BCL9: variants seen among roughly 807,000 people sequenced by gnomAD.
The protein encoded by BCL9 is B-cell CLL/lymphoma 9 protein.
A neutral mutation model predicts 88.5 loss-of-function variants in BCL9; 25 were observed. The observed-to-expected ratio is 0.28, with a 90% CI of 0.21 to 0.39. The LOEUF (loss-of-function observed/expected upper bound fraction) is 0.39. Ranked by LOEUF, BCL9 falls within the 10% of genes least tolerant of loss-of-function variation. The pLI, the probability that BCL9 is intolerant of heterozygous loss-of-function variation, is 1.00. For missense variants in BCL9, 1,817 were observed against 1,877.8 expected, an observed-to-expected ratio of 0.97 and a Z score of 0.60; for synonymous variants, 711 against 673.3, an observed-to-expected ratio of 1.06 and a Z score of -0.87.
chr1:147,544,075 C>T (rs782755874), intron 1 of BCL9, among the ~76,000 whole-genome samples: 2 of 152,182 alleles, frequency 1.3e-5, no homozygotes, highest in African/African-American at 2.4e-5. Context: ...CAGGCAAATA[C>T]TGGGCACTGA....
chr1:147,605,607 A>G (rs1553201884), intron 2 of BCL9, among the ~76,000 whole-genome samples: 1 of 152,212 alleles, frequency 6.6e-6, no homozygotes, highest in East Asian at 1.9e-4. Flanking sequence ...GAGTACTAAA[A>G]TGTACATTAA....
At chr1:147,609,154 A>G (rs1657878229) in intron 3 of BCL9, among the ~76,000 whole-genome samples, 2 of 152,160 alleles carry the variant, frequency 1.3e-5, no homozygotes, top group Non-Finnish European at 2.9e-5. Flanking sequence ...TTGGGGGAAA[A>G]AAATCTCTCT....
At chr1:147,552,155 A>T (rs1654931502) in intron 1 of BCL9, among the ~76,000 whole-genome samples, 1 of 152,224 alleles carries the variant, frequency 6.6e-6, no homozygotes, top group Non-Finnish European at 1.5e-5. Context: ...TGAAGGGAAT[A>T]ATGGTGGAAG....
chr1:147,620,816 G>C lies in BCL9; in HGVS notation c.2661G>C (p.Gln887His). Reference sequence around the variant, plus strand: ...CCTCGGGGAACCTCAAGTCCCCCCAGACTCCATCGCAGCTGGCAGGCATGC... The same window carrying C: ...CCTCGGGGAACCTCAAGTCCCCCCACACTCCATCGCAGCTGGCAGGCATGC... ...GSPSGNLKSP[Q>H]TPSQLAGMLA... The change falls in exon 8 of 10, where the codon CAG (glutamine) becomes CAC (histidine). Residue 887 changes from glutamine (Q) to histidine (H), a missense_variant. Gln to His is a conservative substitution (Grantham distance 24). This residue lies in a region of BCL9 where 1,228 missense variants were observed against 1,191.6 expected (regional missense o/e 1.03). Coordinates refer to ENST00000234739, the MANE Select transcript of BCL9 (RefSeq NM_004326.4). 7 of 1,614,188 alleles carry C rather than the reference G, an allele frequency of 4.3e-6. No homozygotes were observed. Among genetic ancestry groups the C allele is most frequent in the Non-Finnish European group, 5.9e-6 (7 of 1,180,038 alleles).
chr1:147,555,670 A>T (rs1268577039), intron 1 of BCL9, among the ~76,000 whole-genome samples: 1 of 152,200 alleles, frequency 6.6e-6, no homozygotes, highest in Non-Finnish European at 1.5e-5. Context: ...CTCGTTTCTT[A>T]CATAAGTCAC....
chr1:147,609,232 T>C (rs1258152481), intron 3 of BCL9, among the ~76,000 whole-genome samples: 3 of 152,166 alleles, frequency 2.0e-5, no homozygotes, highest in African/African-American at 7.2e-5. Context: ...AACTCTAACC[T>C]CCTGAAGAGC....
rs782503474 is a variant in BCL9 at position 147,620,606 on chromosome 1, G to A, written c.2451G>A (p.Met817Ile). 15 of 1,614,160 alleles carry A rather than the reference G, an allele frequency of 9.3e-6. No individual in the cohort carries two copies. In the Admixed American group the frequency reaches 2.2e-4, roughly 23 times the overall value. ...DQRTNSRLSH[M>I]PPLPLNPSSN... ...GGACTAACAGCCGGCTCAGTCATATGCCACCACTACCTCTCAACCCTTCCA... is the reference window on the plus strand; with the variant it reads ...GGACTAACAGCCGGCTCAGTCATATACCACCACTACCTCTCAACCCTTCCA... The change falls in exon 8 of 10, where the codon ATG becomes ATA. Residue 817 changes from methionine (M) to isoleucine (I), a missense_variant. Coordinates refer to ENST00000234739, the MANE Select transcript of BCL9 (RefSeq NM_004326.4).
Position 147,624,483 on chromosome 1 carries a change from G to C in BCL9, c.3805G>C (p.Gly1269Arg), listed in dbSNP as rs1553206125. Residue 1269 changes from glycine (G) to arginine (R), a missense_variant, in exon 10 of 10, where the codon GGG becomes CGG. Transcript: ENST00000234739. The surrounding 1 kb of genome is among the most constrained non-coding windows in gnomAD (Gnocchi z 4.4). Reference protein sequence around the residue: ...GRKQPQGPGPGFSHMQGMMGE... With the variant: ...GRKQPQGPGPRFSHMQGMMGE... ...TAAACAGCCCCAGGGTCCTGGACCT[G>C]GGTTTTCACACATGCAGGGGATGAT... is the stretch of plus-strand genomic sequence containing the variant. 1 of 1,614,240 alleles carries C rather than the reference G, an allele frequency of 6.2e-7. No individual in the cohort carries two copies. Among genetic ancestry groups the C allele is most frequent in the Admixed American group, 1.7e-5 (1 of 60,034 alleles).
chr1:147,581,700 T>C (rs587733314), intron 1 of BCL9, among the ~76,000 whole-genome samples: 89 of 152,312 alleles, frequency 5.8e-4, no homozygotes, highest in Non-Finnish European at 1.1e-3. Context: ...CAGTTGTAGA[T>C]TCCAGGTCTC....
chr1:147,616,033 T>C (rs782483696), intron 7 of BCL9, 131 bp downstream of exon 7: 39 of 860,372 alleles, frequency 4.5e-5, no homozygotes, highest in Non-Finnish European at 6.8e-5. Context: ...TTTAACCTAA[T>C]TCTGGCATTG....
intron 9 of BCL9, among the ~76,000 whole-genome samples, 164 bp from the exon 10 acceptor site, chr1:147,623,678 C>G (rs1658766871): frequency 6.6e-6 from 1 of 152,168 alleles, no homozygotes; most frequent in Non-Finnish European, 1.5e-5. Context: ...TGTATGTCCC[C>G]AGATGTATTA....
intron 1 of BCL9, among the ~76,000 whole-genome samples, chr1:147,575,472 T>G (rs957603356): frequency 2.0e-5 from 3 of 152,186 alleles, no homozygotes; most frequent in Non-Finnish European, 4.4e-5. Flanking sequence ...GCCAAATGAA[T>G]TGTCAGAAGT....
At chr1:147,565,922 C>G (rs1480603133) in intron 1 of BCL9, among the ~76,000 whole-genome samples, 1 of 152,126 alleles carries the variant, frequency 6.6e-6, no homozygotes, top group Non-Finnish European at 1.5e-5. Flanking sequence ...TACCAGAGGC[C>G]AGCGCTTTTC....
chr1:147,574,248 T>TG (rs1656014693), intron 1 of BCL9, among the ~76,000 whole-genome samples: 1 of 152,154 alleles, frequency 6.6e-6, no homozygotes, highest in African/African-American at 2.4e-5. Flanking sequence ...CAAGGCTGTG[T>TG]GGGGGTCAGC....
chr1:147,566,624 C>T (rs1655609530), intron 1 of BCL9, among the ~76,000 whole-genome samples: 1 of 151,732 alleles, frequency 6.6e-6, no homozygotes. Context: ...GGCGTGGTGG[C>T]GGGCGCCTGT....
intron 1 of BCL9, among the ~76,000 whole-genome samples, chr1:147,573,086 T>A (rs1655954881): frequency 6.6e-6 from 1 of 152,222 alleles, no homozygotes; most frequent in Admixed American, 6.5e-5. Context: ...GGGGTGAGCA[T>A]CTTATTCTCC....
intron 9 of BCL9, among the ~76,000 whole-genome samples, chr1:147,623,057 C>T (rs1167942393): frequency 6.6e-6 from 1 of 151,796 alleles, no homozygotes; most frequent in African/African-American, 2.4e-5. Flanking sequence ...CCCCTCACCT[C>T]GACTCCTGCC....
chr1:147,583,374 T>C (rs1354538046), intron 1 of BCL9, among the ~76,000 whole-genome samples: 1 of 152,006 alleles, frequency 6.6e-6, no homozygotes, highest in Non-Finnish European at 1.5e-5. Context: ...ACCTCCCAGG[T>C]TCAAGTAATC....
intron 1 of BCL9, among the ~76,000 whole-genome samples, chr1:147,543,170 A>G (rs1553193959): frequency 6.6e-6 from 1 of 152,086 alleles, no homozygotes; most frequent in Non-Finnish European, 1.5e-5. Flanking sequence ...TGAATTGTGG[A>G]TTTCCTTTCT....
Sources: gnomAD v4.1 joint callset for allele counts (sites outside exome capture counted in the v4.1 genomes callset) on GRCh38, gnomAD v4.1.1 for gene constraint, gnomAD v4.1.1 regional missense constraint, Gnocchi (gnomAD v3.1) non-coding constraint, MANE v1.5 for transcripts, NCBI Gene and HGNC (gene_info 2026-07-23, HGNC 2026-07-21) for gene names.